MEIKIN: variants seen among roughly 807,000 people sequenced by gnomAD.
MEIKIN encodes the protein meiotic kinetochore factor.
At chr5:131,923,545 G>C (rs1324598929) in intron 5 of MEIKIN, among the ~76,000 whole-genome samples, 1 of 120,904 alleles carries the variant, frequency 8.3e-6, no homozygotes, top group Non-Finnish European at 1.8e-5. Flanking sequence ...TTTTTCTTAT[G>C]ATTTTTTTTT....
chr5:131,894,915 G>A (rs1355839348), intron 8 of MEIKIN, among the ~76,000 whole-genome samples: 1 of 152,080 alleles, frequency 6.6e-6, no homozygotes, highest in East Asian at 1.9e-4. Context: ...TGGTTGCCCT[G>A]GCCAGAACTT....
chr5:131,824,609 T>G (rs1749578965), intron 11 of MEIKIN, among the ~76,000 whole-genome samples: 1 of 152,034 alleles, frequency 6.6e-6, no homozygotes, highest in South Asian at 2.1e-4. Context: ...AATGAAAAAG[T>G]TTTTGAAATA....
intron 11 of MEIKIN, among the ~76,000 whole-genome samples, chr5:131,847,657 T>C (rs534772600): frequency 1.0e-3 from 156 of 152,004 alleles, no homozygotes; most frequent in African/African-American, 3.6e-3. Context: ...AATATGAAAA[T>C]AGAGGACTTA....
rs1322190336 is a variant in MEIKIN at position 131,831,896 on chromosome 5, G to A, written c.976-13033C>T. Among the ~76,000 whole-genome samples the A allele has an allele frequency of 3.3e-5, 5 of 152,100 alleles. No individual in the cohort carries two copies. The East Asian group carries it at 9.6e-4, about 29-fold the overall frequency. ...TCACAAGAACAGCATAGGAAAGACT[G>A]GCCCCCATGATTCAATTACCTCCCC... On this transcript the variant is annotated intron_variant, in intron 11 of 12. Transcript: ENST00000442687.
intron 9 of MEIKIN, among the ~76,000 whole-genome samples, chr5:131,870,692 T>A (rs185138188): frequency 6.6e-6 from 1 of 152,178 alleles, no homozygotes; most frequent in East Asian, 1.9e-4. Flanking sequence ...ACATTTCTTA[T>A]TCCTTCATCA....
At chr5:131,878,274 A>T (rs530187337) in intron 9 of MEIKIN, among the ~76,000 whole-genome samples, 1 of 152,314 alleles carries the variant, frequency 6.6e-6, no homozygotes, top group East Asian at 1.9e-4. Context: ...AATTCCTATA[A>T]AAGTATTGGT....
In MEIKIN at chr5:131,882,684, C is replaced by T. The variant is rs1750719583; in HGVS notation, c.704-3636G>A. Among the ~76,000 whole-genome samples the T allele has an allele frequency of 2.0e-5, 3 of 152,170 alleles. No homozygotes were observed. In the South Asian group the frequency reaches 6.2e-4, roughly 32 times the overall value. ...GTACATTTAGAATAAAATCCATAGT[C>T]CTTACAATAGTATACAAGGCTCCAC... On this transcript the variant is annotated intron_variant, in intron 8 of 12. Coordinates refer to ENST00000442687, the MANE Select transcript of MEIKIN (RefSeq NM_001303622.2).
intron 4 of MEIKIN, among the ~76,000 whole-genome samples, chr5:131,940,980 A>G (rs1438510825): frequency 1.3e-5 from 2 of 151,864 alleles, no homozygotes; most frequent in Non-Finnish European, 2.9e-5. Flanking sequence ...AGCCCCCCCG[A>G]TAGTTCACTT....
At chr5:131,922,877 C>G (rs1751528642) in intron 5 of MEIKIN, among the ~76,000 whole-genome samples, 1 of 152,114 alleles carries the variant, frequency 6.6e-6, no homozygotes, top group Admixed American at 6.5e-5. Context: ...CTTTCCTCAT[C>G]TGTTTAGTTT....
At chr5:131,894,031 G>C (rs895266899) in intron 8 of MEIKIN, among the ~76,000 whole-genome samples, 2 of 152,190 alleles carry the variant, frequency 1.3e-5, no homozygotes, top group Non-Finnish European at 2.9e-5. Flanking sequence ...TATGGTTGTA[G>C]GTCTAACATT....
At chr5:131,916,358 A>G (rs1273778703) in intron 7 of MEIKIN, among the ~76,000 whole-genome samples, 2 of 152,242 alleles carry the variant, frequency 1.3e-5, no homozygotes, top group Non-Finnish European at 2.9e-5. Context: ...AGGCTATCAT[A>G]CTAACGCTAC....
intron 7 of MEIKIN, among the ~76,000 whole-genome samples, chr5:131,912,598 T>G (rs1751348802): frequency 6.6e-6 from 1 of 152,276 alleles, no homozygotes; most frequent in African/African-American, 2.4e-5. Flanking sequence ...ATTCCTACAC[T>G]GATTAATTGA....
intron 11 of MEIKIN, among the ~76,000 whole-genome samples, chr5:131,835,616 C>T (rs535069729): frequency 2.6e-5 from 4 of 152,092 alleles, no homozygotes; most frequent in African/African-American, 4.8e-5. Flanking sequence ...TTTTTTGAGA[C>T]GGAGTCTCGC....
intron 12 of MEIKIN, among the ~76,000 whole-genome samples, chr5:131,816,912 C>T (rs920496203): frequency 6.6e-6 from 1 of 152,152 alleles, no homozygotes; most frequent in Non-Finnish European, 1.5e-5. Flanking sequence ...ATAAGGGATA[C>T]TCAGAAAGCT....
chr5:131,928,217 A>C (rs1751624451), intron 5 of MEIKIN, among the ~76,000 whole-genome samples: 1 of 151,776 alleles, frequency 6.6e-6, no homozygotes, highest in African/African-American at 2.4e-5. Context: ...TCTTTTATCC[A>C]TTCAGTCACT....
intron 9 of MEIKIN, among the ~76,000 whole-genome samples, chr5:131,868,561 T>TTTG (rs1441150593): frequency 2.6e-5 from 4 of 152,038 alleles, no homozygotes; most frequent in African/African-American, 9.7e-5. Flanking sequence ...TTTGGTTGGT[T>TTTG]TTGTTGTTGT....
chr5:131,812,817 G>A (rs1225300623), intron 12 of MEIKIN, among the ~76,000 whole-genome samples: 1 of 152,104 alleles, frequency 6.6e-6, no homozygotes, highest in Non-Finnish European at 1.5e-5. Context: ...GGTCCCTGCA[G>A]GTGACTCCCA....
At chr5:131,868,793 C>A (rs1361627671) in intron 9 of MEIKIN, among the ~76,000 whole-genome samples, 3 of 152,002 alleles carry the variant, frequency 2.0e-5, no homozygotes, top group African/African-American at 7.3e-5. Flanking sequence ...CTTGGCCTCC[C>A]AAAGTGCCAG....
chr5:131,841,565 G>C (rs1026199742), intron 11 of MEIKIN, among the ~76,000 whole-genome samples: 1 of 152,102 alleles, frequency 6.6e-6, no homozygotes, highest in East Asian at 1.9e-4. Flanking sequence ...GATTGCTTTG[G>C]CTATTTGAAA....
Sources: allele counts gnomAD v4.1 joint callset (sites outside exome capture counted in the v4.1 genomes callset), GRCh38; gene constraint gnomAD v4.1.1; transcripts MANE v1.5; gene names NCBI Gene and HGNC (gene_info 2026-07-23, HGNC 2026-07-21).